CDK14: variants seen among roughly 807,000 people sequenced by gnomAD.
The protein encoded by CDK14 is cyclin-dependent kinase 14.
In CDK14, 34 loss-of-function variants were observed where a neutral mutation model predicts 60.7. The ratio of observed to expected loss-of-function variants is 0.56; its 90% CI spans 0.43 to 0.75. The LOEUF (loss-of-function observed/expected upper bound fraction) is 0.75, where lower values mean the gene tolerates loss of function less well. CDK14 is among the 30% of genes least tolerant of loss of function. The pLI is 0.00. For missense variants in CDK14, 482 were observed against 564.1 expected (o/e 0.85, Z 1.47); for synonymous variants, 197 against 203.7 (o/e 0.97, Z 0.28).
chr7:90,598,917 G>T (rs1380605136), intron 1 of CDK14, among the ~76,000 whole-genome samples: 1 of 151,388 alleles, frequency 6.6e-6, no homozygotes. Flanking sequence ...TTTTAGCCGG[G>T]ATGGTCTCGA....
At chr7:90,705,380 A>G (rs1801875352) in intron 2 of CDK14, among the ~76,000 whole-genome samples, 1 of 152,026 alleles carries the variant, frequency 6.6e-6, no homozygotes, top group African/African-American at 2.4e-5. Flanking sequence ...GTAATTCTCT[A>G]TCCCTTTCTT....
chr7:91,205,111 G>A (rs976277134), intron 14 of CDK14, among the ~76,000 whole-genome samples: 26 of 152,218 alleles, frequency 1.7e-4, no homozygotes, highest in African/African-American at 6.3e-4. Context: ...GTACAGCCAT[G>A]ATGGAAAACA....
intron 5 of CDK14, among the ~76,000 whole-genome samples, chr7:90,797,928 A>G (rs1375754038): frequency 6.6e-6 from 1 of 151,978 alleles, no homozygotes; most frequent in Non-Finnish European, 1.5e-5. Context: ...ACAATTCAAC[A>G]TGAGATTTAG....
intron 5 of CDK14, among the ~76,000 whole-genome samples, chr7:90,862,403 A>G (rs1303348040): frequency 6.6e-6 from 1 of 152,200 alleles, no homozygotes; most frequent in Non-Finnish European, 1.5e-5. Flanking sequence ...AAAGAAATTT[A>G]CTAGGAGTAA....
chr7:91,158,055 T>A (rs1801036690), intron 14 of CDK14, among the ~76,000 whole-genome samples: 1 of 147,670 alleles, frequency 6.8e-6, no homozygotes, highest in Non-Finnish European at 1.5e-5. Flanking sequence ...ATTTTTTATA[T>A]AATATATTAT....
At chr7:90,884,492 GAAAATGGCCAT>G (rs1791877734) in intron 6 of CDK14, among the ~76,000 whole-genome samples, 1 of 152,160 alleles carries the variant, frequency 6.6e-6, no homozygotes, top group African/African-American at 2.4e-5. Context: ...TCAATATCAT[GAAAATGGCCAT>G]ACTGTCCAAA....
At chr7:90,957,641 AC>A (rs1319762053) in intron 9 of CDK14, among the ~76,000 whole-genome samples, 2 of 152,254 alleles carry the variant, frequency 1.3e-5, no homozygotes, top group Admixed American at 6.5e-5. Context: ...AATCCAACTT[AC>A]AAGGGATGTG....
intron 2 of CDK14, among the ~76,000 whole-genome samples, chr7:90,654,266 A>G (rs1254944037): frequency 2.0e-5 from 3 of 152,188 alleles, no homozygotes; most frequent in Non-Finnish European, 4.4e-5. Context: ...CATTTAATTA[A>G]TAATAATGGA....
chr7:91,116,287 A>C (rs1799608270), intron 13 of CDK14, among the ~76,000 whole-genome samples: 1 of 152,226 alleles, frequency 6.6e-6, no homozygotes, highest in Non-Finnish European at 1.5e-5. Context: ...ACTCAAATTC[A>C]GTGAAAGAAG....
chr7:90,950,128 T>C (rs1226533942), intron 8 of CDK14, among the ~76,000 whole-genome samples: 1 of 152,246 alleles, frequency 6.6e-6, no homozygotes, highest in African/African-American at 2.4e-5. Flanking sequence ...TTTCGCTTTG[T>C]TGCCCAGGCG....
At chr7:90,861,566 G>T (rs904688658) in intron 5 of CDK14, among the ~76,000 whole-genome samples, 1 of 152,180 alleles carries the variant, frequency 6.6e-6, no homozygotes, top group East Asian at 1.9e-4. Flanking sequence ...AAAGTGACTG[G>T]AATTGGCAGC....
chr7:90,844,877 A>G (rs1043731719), intron 5 of CDK14, among the ~76,000 whole-genome samples: 1 of 152,118 alleles, frequency 6.6e-6, no homozygotes, highest in Admixed American at 6.6e-5. Flanking sequence ...TCAGATGGTG[A>G]AGATAACCCT....
At chr7:91,183,447 C>T (rs536122284) in intron 14 of CDK14, among the ~76,000 whole-genome samples, 11 of 152,348 alleles carry the variant, frequency 7.2e-5, no homozygotes, top group South Asian at 6.2e-4. Flanking sequence ...TCTGCATTTC[C>T]TATCAGCTTC....
chr7:90,701,437 TACTC>T (rs1371250264), intron 2 of CDK14, among the ~76,000 whole-genome samples: 9 of 152,196 alleles, frequency 5.9e-5, no homozygotes, highest in African/African-American at 1.4e-4. Context: ...AATATAATAA[TACTC>T]AATTTAGTAC....
At chr7:91,063,275 T>C (rs973367862) in intron 11 of CDK14, among the ~76,000 whole-genome samples, 3 of 152,214 alleles carry the variant, frequency 2.0e-5, no homozygotes, top group Admixed American at 1.3e-4. Context: ...ATAACTCTTA[T>C]TCTAATATAT....
At chr7:90,602,027 A>C (rs1448419626) in intron 1 of CDK14, among the ~76,000 whole-genome samples, 1 of 152,050 alleles carries the variant, frequency 6.6e-6, no homozygotes, top group Non-Finnish European at 1.5e-5. Context: ...GGCTGGTCTC[A>C]AACTCCTGAG....
chr7:90,763,888 A>G (rs963283811), intron 4 of CDK14, among the ~76,000 whole-genome samples: 5 of 152,200 alleles, frequency 3.3e-5, no homozygotes, highest in African/African-American at 4.8e-5. Flanking sequence ...TACCTGGCAC[A>G]GTTCTGGTTT....
At chr7:90,608,954 T>C (rs1447357606) in intron 2 of CDK14, among the ~76,000 whole-genome samples, 2 of 152,234 alleles carry the variant, frequency 1.3e-5, no homozygotes, top group Non-Finnish European at 2.9e-5. Context: ...CACAATGATA[T>C]TGGCTTCTAG....
intron 6 of CDK14, among the ~76,000 whole-genome samples, chr7:90,886,667 G>A (rs751668970): frequency 5.3e-5 from 8 of 152,124 alleles, no homozygotes; most frequent in East Asian, 3.9e-4. Context: ...GCATAAAAGC[G>A]TAAAACATAT....
Sources: allele counts gnomAD v4.1 joint callset (sites outside exome capture counted in the v4.1 genomes callset), GRCh38; gene constraint gnomAD v4.1.1; transcripts MANE v1.5; gene names NCBI Gene and HGNC (gene_info 2026-07-23, HGNC 2026-07-21).